Variants in IBTK observed in about 807,000 individuals in gnomAD.
IBTK encodes BTK-binding protein.
Under a neutral mutation model 154.9 loss-of-function variants are expected in IBTK, and 83 were observed. That is an observed-to-expected ratio of 0.54 (90% CI 0.45 to 0.64). The LOEUF is 0.64. Among genes scored for constraint, IBTK ranks in the 30% least tolerant of loss-of-function variants. The pLI is 0.00. For synonymous variants in IBTK, 515 were observed against 536.1 expected (o/e 0.96, Z 0.54); for missense variants, 1,332 against 1,584.6 (o/e 0.84, Z 2.71).
chr6:82,224,611 G>A (rs1770225994), intron 6 of IBTK, among the ~76,000 whole-genome samples: 1 of 152,132 alleles, frequency 6.6e-6, no homozygotes, highest in Non-Finnish European at 1.5e-5. Context: ...CGATTGTCCT[G>A]TGCACTACTG....
intron 10 of IBTK, among the ~76,000 whole-genome samples, chr6:82,217,329 T>C (rs1334053649): frequency 6.6e-6 from 1 of 152,158 alleles, no homozygotes; most frequent in East Asian, 1.9e-4. Context: ...ACTAATCTTC[T>C]CTGACACTCA....
chr6:82,182,695 C>T lies in IBTK; in HGVS notation c.3576-667G>A, dbSNP rs543287845. On this transcript the variant is annotated intron_variant, in intron 25 of 28. Coordinates refer to ENST00000306270, the MANE Select transcript of IBTK (RefSeq NM_015525.4). ...TAAAACAAAGAAAACCATATTTAGG[C>T]ACATAATAAATAAACAGCTGAAAAC... 3.2e-4 allele frequency among the ~76,000 whole-genome samples: 49 copies of T among 152,202 alleles called. 1 individual carries two copies. Among genetic ancestry groups the T allele is most frequent in the Non-Finnish European group, 2.9e-5 (2 of 67,990 alleles).
chr6:82,206,276 T>C (rs1769409652), intron 16 of IBTK, among the ~76,000 whole-genome samples: 1 of 152,152 alleles, frequency 6.6e-6, no homozygotes, highest in Non-Finnish European at 1.5e-5. Flanking sequence ...AGAGCAATAG[T>C]ATCCTTATTT....
chr6:82,224,094 G>C lies in IBTK; in HGVS notation c.917C>G (p.Thr306Ser). 2 of 1,606,746 alleles carry C rather than the reference G, an allele frequency of 1.2e-6. No individual in the cohort carries two copies. Among genetic ancestry groups the C allele is most frequent in the Non-Finnish European group, 1.7e-6 (2 of 1,173,602 alleles). The part of the protein sequence containing the change: ...TVLWTREAVY[T>S]MGLNGGQLGC... ...CAGTTGTCCACCATTTAGTCCCATA[G>C]TGTAAACAGCTTCTCTAGTCCATAG... The change falls in exon 7 of 29, where the codon ACT (threonine) becomes AGT (serine). Residue 306 changes from threonine to serine, a missense_variant. By Grantham distance (58) the Thr-to-Ser change is moderately conservative (BLOSUM62 1). Coordinates refer to ENST00000306270, the MANE Select transcript of IBTK (RefSeq NM_015525.4).
In IBTK at chr6:82,218,224, C is replaced by A. The variant is rs578051589; in HGVS notation, c.1249-87G>T. The A allele has an allele frequency of 7.5e-6, 7 of 928,094 alleles. No individual in the cohort carries two copies. The African/African-American group carries it at 1.0e-4, about 14-fold the overall frequency. 57.5% of individuals were successfully genotyped at this position (928,094 alleles called of 1,614,324 possible). ...TAAATCAAGATATCAAGAGACAATG[C>A]TGTTAAAATAAAAGCTCTCATTAGT... is the stretch of plus-strand genomic sequence containing the variant. On this transcript the variant is annotated intron_variant, in intron 9 of 28. Transcript: ENST00000306270.
intron 25 of IBTK, among the ~76,000 whole-genome samples, chr6:82,188,112 G>C (rs1768621451): frequency 6.6e-6 from 1 of 152,112 alleles, no homozygotes; most frequent in Non-Finnish European, 1.5e-5. Context: ...GAGATTCAGG[G>C]GTCCCTAAGG....
At chr6:82,203,237 T>C (rs1387726416) in intron 17 of IBTK, among the ~76,000 whole-genome samples, 1 of 152,112 alleles carries the variant, frequency 6.6e-6, no homozygotes, top group Non-Finnish European at 1.5e-5. Context: ...GTGCAAAAGA[T>C]TCTGGATTTA....
At position 82,210,722 on chromosome 6, in the gene IBTK, GT is replaced by G. The variant is rs1278700210; in HGVS notation, c.2509+91del. The G allele has an allele frequency of 9.6e-5, 49 of 511,058 alleles. 1 individual carries two copies. Among genetic ancestry groups the G allele is most frequent in the Admixed American group, 4.8e-4 (15 of 31,504 alleles). The allele number at this position is 511,058 out of a possible 1,614,324, so 31.7% of individuals were successfully genotyped here. On this transcript the variant is annotated intron_variant, in intron 16 of 28. Coordinates refer to ENST00000306270, the MANE Select transcript of IBTK (RefSeq NM_015525.4). ...AAAATAAATTAAGCCTTTATTGATG[GT>G]TTTTTTCTATTAGAAATTAAGATTC...
chr6:82,225,747 T>A, intron 5 of IBTK, 100 bp from the exon 6 acceptor site: 1 of 842,302 alleles, frequency 1.2e-6, no homozygotes, highest in Non-Finnish European at 1.8e-6. Context: ...TGAAATGACA[T>A]GACTGATACA....
intron 4 of IBTK, among the ~76,000 whole-genome samples, chr6:82,231,164 T>G (rs1562103753): frequency 6.6e-6 from 1 of 152,148 alleles, no homozygotes; most frequent in Non-Finnish European, 1.5e-5. Flanking sequence ...CTATAGCCTT[T>G]CCAGACTGCT....
intron 23 of IBTK, among the ~76,000 whole-genome samples, chr6:82,192,441 A>T (rs902260830): frequency 2.6e-5 from 4 of 152,182 alleles, no homozygotes; most frequent in African/African-American, 7.2e-5. Context: ...AAAATTCTAC[A>T]ATCATTAGAA....
chr6:82,228,859 G>C (rs1770394779), intron 4 of IBTK, among the ~76,000 whole-genome samples: 1 of 151,892 alleles, frequency 6.6e-6, no homozygotes, highest in Non-Finnish European at 1.5e-5. Context: ...CTGACCTCGT[G>C]ATCTGCCCGC....
At chr6:82,182,515 T>C (rs1182292250) in intron 25 of IBTK, among the ~76,000 whole-genome samples, 1 of 151,866 alleles carries the variant, frequency 6.6e-6, no homozygotes, top group Non-Finnish European at 1.5e-5. Flanking sequence ...AGTTATAAGA[T>C]AAAATCAAAA....
chr6:82,217,681 T>C (rs1255681929), intron 10 of IBTK, among the ~76,000 whole-genome samples: 1 of 152,212 alleles, frequency 6.6e-6, no homozygotes, highest in Admixed American at 6.5e-5. Context: ...TTGATTTTGT[T>C]CTGGCACACA....
chr6:82,194,324 A>G (rs918827685), intron 23 of IBTK, among the ~76,000 whole-genome samples, 155 bp downstream of exon 23: 1 of 152,184 alleles, frequency 6.6e-6, no homozygotes, highest in Non-Finnish European at 1.5e-5. Context: ...AGCCTATTAT[A>G]GCTGGTTAGC....
intron 26 of IBTK, among the ~76,000 whole-genome samples, chr6:82,178,261 TTATA>T (rs1768188452): frequency 6.6e-6 from 1 of 152,162 alleles, no homozygotes; most frequent in African/African-American, 2.4e-5. Context: ...CAGGGCACAC[TTATA>T]ATTAAGAGCC....
At chr6:82,209,435 C>T (rs949748310) in intron 16 of IBTK, among the ~76,000 whole-genome samples, 1 of 151,996 alleles carries the variant, frequency 6.6e-6, no homozygotes, top group Non-Finnish European at 1.5e-5. Context: ...TTTAAAACAT[C>T]GTACTTAAGT....
chr6:82,189,179 G>T (rs1223510190), intron 25 of IBTK, among the ~76,000 whole-genome samples: 1 of 151,956 alleles, frequency 6.6e-6, no homozygotes, highest in African/African-American at 2.4e-5. Context: ...AAGACATGCT[G>T]TTGCCAATTA....
At chr6:82,216,274 A>G (rs1284500721) in intron 10 of IBTK, 24 bp from the exon 11 acceptor site, 4 of 1,474,710 alleles carry the variant, frequency 2.7e-6, no homozygotes, top group South Asian at 1.2e-5. Context: ...ATAAACTACC[A>G]TTAATCAAGG....
Sources: gnomAD v4.1 joint callset for allele counts (sites outside exome capture counted in the v4.1 genomes callset) on GRCh38, gnomAD v4.1.1 for gene constraint, MANE v1.5 for transcripts, NCBI Gene and HGNC (gene_info 2026-07-23, HGNC 2026-07-21) for gene names.